Variants in ITFG1 observed in about 807,000 individuals in gnomAD.
ITFG1 encodes T-cell immunomodulatory protein.
In ITFG1, 34 loss-of-function variants were observed where a neutral mutation model predicts 81.8. The ratio of observed to expected loss-of-function variants is 0.42; its 90% CI spans 0.32 to 0.55. The LOEUF (loss-of-function observed/expected upper bound fraction) is 0.55, where lower values mean the gene tolerates loss of function less well. ITFG1 is among the 20% of genes least tolerant of loss of function. ITFG1 has a pLI of 0.17. For synonymous variants in ITFG1, 285 were observed against 270.6 expected (o/e 1.05, Z -0.52); for missense variants, 672 against 755.4 (o/e 0.89, Z 1.29).
chr16:47,424,774 A>G (rs1968997678), intron 6 of ITFG1, among the ~76,000 whole-genome samples: 2 of 152,132 alleles, frequency 1.3e-5, no homozygotes, highest in Non-Finnish European at 2.9e-5. Flanking sequence ...GCTGCAGAAC[A>G]GCAAATATTG....
chr16:47,216,511 A>C (rs1039577588), intron 14 of ITFG1, among the ~76,000 whole-genome samples: 3 of 152,042 alleles, frequency 2.0e-5, no homozygotes, highest in Non-Finnish European at 2.9e-5. Context: ...CATCTTTTTT[A>C]AACAATGAAA....
chr16:47,426,138 T>C (rs965293563), intron 6 of ITFG1: 2 of 152,084 alleles, frequency 1.3e-5, no homozygotes, highest in African/African-American at 4.8e-5. Context: ...GCTTAAGAAT[T>C]TCATGTAGGG....
Position 47,428,809 on chromosome 16 carries a change from G to A in ITFG1, c.650C>T (p.Thr217Ile). The A allele has an allele frequency of 1.2e-6, 2 of 1,603,660 alleles. No individual in the cohort carries two copies. The highest frequency in any genetic ancestry group is 1.7e-6 in the Non-Finnish European group (2 of 1,172,044). Residue 217 changes from threonine to isoleucine, a missense_variant, in exon 6 of 18, where the codon ACA becomes ATA. By Grantham distance (89) the Thr-to-Ile change is moderately conservative (BLOSUM62 -1). This residue lies in a region of ITFG1 where 560 missense variants were observed against 625.7 expected (regional missense o/e 0.90). Coordinates refer to ENST00000320640, the MANE Select transcript of ITFG1 (RefSeq NM_030790.5). The stretch of plus-strand genomic sequence containing the variant: ...CAGATTTATGTGCAACTCACCTGCT[G>A]TAAAATCTTCAGTCAGATCAATAAA... ...HAFIDLTEDFTADLFLTTLNA... is the reference protein window; with the variant it reads ...HAFIDLTEDFIADLFLTTLNA...
intron 10 of ITFG1, among the ~76,000 whole-genome samples, chr16:47,297,637 T>G: frequency 6.6e-6 from 1 of 152,100 alleles, no homozygotes; most frequent in African/African-American, 2.4e-5. Flanking sequence ...TTTGCTTTTT[T>G]TTTTTTTTTT....
chr16:47,383,355 G>A (rs944630265), intron 6 of ITFG1, among the ~76,000 whole-genome samples: 6 of 152,080 alleles, frequency 3.9e-5, no homozygotes, highest in East Asian at 3.9e-4. Context: ...TTGCCCTGAC[G>A]CGTTTTCTTA....
chr16:47,345,819 T>A (rs1044879909), intron 8 of ITFG1, among the ~76,000 whole-genome samples: 5 of 152,160 alleles, frequency 3.3e-5, no homozygotes, highest in African/African-American at 1.2e-4. Context: ...GTATATGCGG[T>A]CCGTGGTTGA....
chr16:47,205,829 TATC>T (rs1596807298), intron 14 of ITFG1, among the ~76,000 whole-genome samples: 3 of 9,716 alleles, frequency 3.1e-4, no homozygotes, highest in Non-Finnish European at 6.8e-4. Flanking sequence ...GGAATTAAAT[TATC>T]TATCTATCTA....
intron 7 of ITFG1, among the ~76,000 whole-genome samples, chr16:47,369,975 A>G (rs1445130461): frequency 6.6e-6 from 1 of 150,882 alleles, no homozygotes; most frequent in African/African-American, 2.4e-5. Flanking sequence ...AGTAGCTGGG[A>G]CTACACACAC....
chr16:47,453,936 T>G, intron 3 of ITFG1, 77 bp downstream of exon 3: 1 of 930,308 alleles, frequency 1.1e-6, no homozygotes. Context: ...ATTTTTGAAC[T>G]GATTTCAGAA....
At chr16:47,183,598 A>C (rs1437199523) in intron 14 of ITFG1, among the ~76,000 whole-genome samples, 2 of 152,196 alleles carry the variant, frequency 1.3e-5, no homozygotes, top group African/African-American at 4.8e-5. Flanking sequence ...AAGGAAAACT[A>C]ACAAACAGAA....
intron 8 of ITFG1, among the ~76,000 whole-genome samples, chr16:47,321,722 A>G (rs1312478876): frequency 6.6e-6 from 1 of 152,202 alleles, no homozygotes; most frequent in African/African-American, 2.4e-5. Context: ...ACAATGCTAC[A>G]TTTTTGATAT....
At chr16:47,402,522 T>C (rs558597781) in intron 6 of ITFG1, among the ~76,000 whole-genome samples, 1 of 152,256 alleles carries the variant, frequency 6.6e-6, no homozygotes, top group African/African-American at 2.4e-5. Flanking sequence ...GTCACAACCA[T>C]TGCTCCCCAC....
At chr16:47,399,840 T>A (rs1968638412) in intron 6 of ITFG1, among the ~76,000 whole-genome samples, 1 of 152,212 alleles carries the variant, frequency 6.6e-6, no homozygotes, top group Non-Finnish European at 1.5e-5. Flanking sequence ...GCAATCTCTG[T>A]CAGTGGGGTC....
chr16:47,404,441 T>G (rs1484374947), intron 6 of ITFG1, among the ~76,000 whole-genome samples: 1 of 152,144 alleles, frequency 6.6e-6, no homozygotes, highest in Non-Finnish European at 1.5e-5. Context: ...AAATGTGAAA[T>G]AACTCATATA....
intron 13 of ITFG1, among the ~76,000 whole-genome samples, chr16:47,223,622 G>C (rs1430838871): frequency 6.6e-6 from 1 of 152,132 alleles, no homozygotes; most frequent in African/African-American, 2.4e-5. Flanking sequence ...TGGTGGGACT[G>C]TAAACTAGTT....
At chr16:47,295,665 C>T (rs966396032) in intron 10 of ITFG1, among the ~76,000 whole-genome samples, 1 of 152,048 alleles carries the variant, frequency 6.6e-6, no homozygotes, top group Non-Finnish European at 1.5e-5. Context: ...TCTTCTTTTT[C>T]ATTTCTGATT....
At chr16:47,360,610 C>T (rs1014635385) in intron 8 of ITFG1, among the ~76,000 whole-genome samples, 11 of 152,098 alleles carry the variant, frequency 7.2e-5, no homozygotes, top group African/African-American at 2.7e-4. Flanking sequence ...TATTTGAAGG[C>T]ATTTGATTTT....
At chr16:47,327,839 G>C (rs1967574670) in intron 8 of ITFG1, among the ~76,000 whole-genome samples, 1 of 152,304 alleles carries the variant, frequency 6.6e-6, no homozygotes, top group African/African-American at 2.4e-5. Flanking sequence ...GTGCTGGAGA[G>C]GATGTGGAGA....
intron 7 of ITFG1, among the ~76,000 whole-genome samples, chr16:47,374,941 C>T (rs1260664110): frequency 1.3e-5 from 2 of 152,002 alleles, no homozygotes; most frequent in Non-Finnish European, 2.9e-5. Context: ...AGTCTCCTTC[C>T]ATAAGTTTGT....
Sources: allele counts gnomAD v4.1 joint callset (sites outside exome capture counted in the v4.1 genomes callset), GRCh38; gene constraint gnomAD v4.1.1; regional missense constraint gnomAD v4.1.1; transcripts MANE v1.5; gene names NCBI Gene and HGNC (gene_info 2026-07-23, HGNC 2026-07-21).